Variants in GRM1 observed in about 807,000 individuals in gnomAD.
The protein encoded by GRM1 is metabotropic glutamate receptor 1.
A neutral mutation model predicts 90.9 loss-of-function variants in GRM1; 33 were observed. The ratio of observed to expected loss-of-function variants is 0.36; its 90% CI spans 0.28 to 0.49. The LOEUF is 0.49. Ranked by LOEUF, GRM1 falls within the 20% of genes least tolerant of loss-of-function variation. GRM1 has a pLI of 0.99. For missense variants in GRM1, 1,190 were observed against 1,534.3 expected (o/e 0.78, Z 3.75); for synonymous variants, 700 against 613.2 (o/e 1.14, Z -2.09).
intron 1 of GRM1, among the ~76,000 whole-genome samples, chr6:146,060,949 A>T (rs1456112057): frequency 3.3e-5 from 5 of 152,004 alleles, no homozygotes; most frequent in African/African-American, 1.2e-4. Context: ...ATTCTGACTG[A>T]TGTGAGATGG....
chr6:146,300,427 G>T (rs1224888057), intron 2 of GRM1, among the ~76,000 whole-genome samples: 1 of 152,142 alleles, frequency 6.6e-6, no homozygotes, highest in African/African-American at 2.4e-5. Flanking sequence ...TAAGATAGAA[G>T]AAATCTTCTA....
At chr6:146,421,340 A>T (rs1477667927) in intron 7 of GRM1, among the ~76,000 whole-genome samples, 1 of 152,116 alleles carries the variant, frequency 6.6e-6, no homozygotes, top group Admixed American at 6.5e-5. Flanking sequence ...CTAGAGTTAT[A>T]CTCTAGCTAT....
intron 3 of GRM1, among the ~76,000 whole-genome samples, chr6:146,322,315 C>G (rs1353003538): frequency 1.3e-5 from 2 of 152,172 alleles, no homozygotes; most frequent in Non-Finnish European, 2.9e-5. Flanking sequence ...CTGGAGCTCT[C>G]CTCTATGGCT....
At chr6:146,290,717 G>T (rs1028222930) in intron 2 of GRM1, among the ~76,000 whole-genome samples, 3 of 152,108 alleles carry the variant, frequency 2.0e-5, no homozygotes, top group African/African-American at 7.2e-5. Context: ...CAGATAATTT[G>T]TTTTCTAATT....
intron 1 of GRM1, among the ~76,000 whole-genome samples, chr6:146,060,534 G>C (rs1053124768): frequency 1.3e-5 from 2 of 152,072 alleles, no homozygotes; most frequent in Admixed American, 1.3e-4. Flanking sequence ...GCTCACTTAA[G>C]ATAATGGCCT....
At chr6:146,427,110 G>A (rs868415611) in intron 7 of GRM1, among the ~76,000 whole-genome samples, 1 of 152,234 alleles carries the variant, frequency 6.6e-6, no homozygotes, top group East Asian at 1.9e-4. Flanking sequence ...GTTTGCGGGG[G>A]TGGGTGCCAA....
At chr6:146,254,038 A>G (rs1473011499) in intron 2 of GRM1, among the ~76,000 whole-genome samples, 1 of 152,020 alleles carries the variant, frequency 6.6e-6, no homozygotes, top group Non-Finnish European at 1.5e-5. Context: ...GTGTATGTAT[A>G]AGTTTGAGGG....
chr6:146,159,477 T>A lies in GRM1; in HGVS notation c.830T>A (p.Leu277His). Residue 277 changes from leucine (L) to histidine (H), a missense_variant, in exon 2 of 8, where the codon CTC becomes CAC. Transcript: ENST00000282753. ...AGCTTTGACCGACTCTTGCGCAAACTCCGAGAGAGGCTTCCCAAGGCTAGA... is the reference window on the plus strand; with the variant it reads ...AGCTTTGACCGACTCTTGCGCAAACACCGAGAGAGGCTTCCCAAGGCTAGA... ...EKSFDRLLRK[L>H]RERLPKARVV... The A allele has an allele frequency of 6.2e-7, 1 of 1,614,186 alleles. No individual in the cohort carries two copies. The highest frequency in any genetic ancestry group is 8.5e-7 in the Non-Finnish European group (1 of 1,180,024).
chr6:146,195,362 T>C (rs550123566), intron 2 of GRM1, among the ~76,000 whole-genome samples: 2 of 152,332 alleles, frequency 1.3e-5, no homozygotes, highest in East Asian at 3.9e-4. Context: ...TCACAGATAA[T>C]AGGAGAAAAC....
intron 6 of GRM1, among the ~76,000 whole-genome samples, chr6:146,388,384 T>G (rs1562659063): frequency 6.6e-6 from 1 of 152,064 alleles, no homozygotes; most frequent in Admixed American, 6.6e-5. Flanking sequence ...GGACATTTTT[T>G]TACTTGTTTC....
intron 2 of GRM1, among the ~76,000 whole-genome samples, chr6:146,160,840 G>C (rs1263277069): frequency 6.6e-6 from 1 of 152,086 alleles, no homozygotes; most frequent in Non-Finnish European, 1.5e-5. Context: ...AGGAGGTGTG[G>C]AGCCAAGGTC....
intron 7 of GRM1, among the ~76,000 whole-genome samples, chr6:146,416,814 T>C (rs1398100118): frequency 6.6e-6 from 1 of 152,166 alleles, no homozygotes; most frequent in African/African-American, 2.4e-5. Flanking sequence ...AAGTCTTGAC[T>C]CCAATTTTGA....
At position 146,161,724 on chromosome 6, in the gene GRM1, G is replaced by T. The variant is rs369693914; in HGVS notation, c.950+2127G>T. ...GCCAAGTGAAGGAAAGTGTCTCTCT[G>T]TTCTTCTGGGCTACTTTCCACGAGT... On this transcript the variant is annotated intron_variant, in intron 2 of 7. Transcript: ENST00000282753. 9.1e-4 allele frequency among the ~76,000 whole-genome samples: 138 copies of T among 152,320 alleles called. 3 individuals are homozygous for T. The South Asian group carries it at 0.028, about 31-fold the overall frequency.
At chr6:146,163,381 T>C (rs1777804224) in intron 2 of GRM1, among the ~76,000 whole-genome samples, 1 of 152,202 alleles carries the variant, frequency 6.6e-6, no homozygotes, top group Admixed American at 6.5e-5. Context: ...TACCTGCGTC[T>C]GATAATACCT....
chr6:146,371,491 G>A (rs182830537), intron 5 of GRM1, among the ~76,000 whole-genome samples: 73 of 152,038 alleles, frequency 4.8e-4, no homozygotes, highest in Admixed American at 1.1e-3. Context: ...CAATCTTTAC[G>A]ATATTTTAAA....
chr6:146,261,865 G>A (rs972199404), intron 2 of GRM1, among the ~76,000 whole-genome samples: 9 of 151,914 alleles, frequency 5.9e-5, no homozygotes, highest in Non-Finnish European at 1.3e-4. Context: ...AAATAGAAAA[G>A]AAATGTAAGC....
intron 1 of GRM1, among the ~76,000 whole-genome samples, chr6:146,144,188 A>G (rs1246080225): frequency 1.3e-5 from 2 of 152,146 alleles, no homozygotes; most frequent in South Asian, 2.1e-4. Flanking sequence ...AGGTTCTCAC[A>G]TACTTGGTTT....
intron 3 of GRM1, among the ~76,000 whole-genome samples, chr6:146,342,973 T>C (rs1785035775): frequency 1.3e-5 from 2 of 152,168 alleles, no homozygotes; most frequent in African/African-American, 2.4e-5. Flanking sequence ...ATTTCATCTT[T>C]TTTTTTTCCT....
intron 3 of GRM1, among the ~76,000 whole-genome samples, chr6:146,316,178 C>T (rs1245706635): frequency 6.6e-6 from 1 of 152,150 alleles, no homozygotes; most frequent in Non-Finnish European, 1.5e-5. Flanking sequence ...CTTTTTCTGG[C>T]TTTTAGAGGC....
Sources: gnomAD v4.1 joint callset for allele counts (sites outside exome capture counted in the v4.1 genomes callset) on GRCh38, gnomAD v4.1.1 for gene constraint, MANE v1.5 for transcripts, NCBI Gene and HGNC (gene_info 2026-07-23, HGNC 2026-07-21) for gene names.